The following RGL1 variants were observed in gnomAD, a reference collection of about 807,000 sequenced individuals.
RGL1 encodes ral guanine nucleotide dissociation stimulator-like 1.
In RGL1, 24 loss-of-function variants were observed where a neutral mutation model predicts 95.2. The observed-to-expected ratio is 0.25, with a 90% CI of 0.18 to 0.35. The LOEUF is 0.35. RGL1 is among the 10% of genes least tolerant of loss of function. RGL1 has a pLI of 1.00. For missense variants in RGL1, 715 were observed against 936.3 expected (o/e 0.76, Z 3.08); for synonymous variants, 329 against 344.9 (o/e 0.95, Z 0.51).
chr1:183,716,601 C>T (rs556259765), intron 1 of RGL1, among the ~76,000 whole-genome samples: 1 of 152,358 alleles, frequency 6.6e-6, no homozygotes, highest in Admixed American at 6.5e-5. Flanking sequence ...AACTCAGTCA[C>T]ATGGCTGCAC....
chr1:183,695,367 A>G (rs1417161853), intron 1 of RGL1, among the ~76,000 whole-genome samples: 3 of 152,236 alleles, frequency 2.0e-5, no homozygotes, highest in African/African-American at 7.2e-5. Context: ...GTCACTTACT[A>G]TCACTAATGA....
At chr1:183,698,454 A>G (rs1020702497) in intron 1 of RGL1, among the ~76,000 whole-genome samples, 1 of 152,258 alleles carries the variant, frequency 6.6e-6, no homozygotes, top group Non-Finnish European at 1.5e-5. Flanking sequence ...CAATGCCTAA[A>G]ATAGAACAAC....
At chr1:183,759,319 T>C (rs1240612206) in intron 2 of RGL1, among the ~76,000 whole-genome samples, 1 of 152,172 alleles carries the variant, frequency 6.6e-6, no homozygotes, top group Non-Finnish European at 1.5e-5. Context: ...ATTGGTTAGT[T>C]TGAACACTTT....
intron 2 of RGL1, among the ~76,000 whole-genome samples, chr1:183,840,631 G>C (rs1663988567): frequency 1.3e-5 from 2 of 151,994 alleles, no homozygotes; most frequent in Non-Finnish European, 2.9e-5. Context: ...GAGAGGCCAA[G>C]GTGGGAGAAT....
chr1:183,889,323 A>G (rs1215917809), intron 8 of RGL1, among the ~76,000 whole-genome samples: 1 of 152,210 alleles, frequency 6.6e-6, no homozygotes, highest in Non-Finnish European at 1.5e-5. Context: ...TAGGCCAGCT[A>G]CATTCAACAA....
chr1:183,756,699 G>C (rs1358858364), intron 2 of RGL1, among the ~76,000 whole-genome samples: 2 of 152,106 alleles, frequency 1.3e-5, no homozygotes, highest in African/African-American at 4.8e-5. Flanking sequence ...TTTCATGATA[G>C]TAATTCTTCC....
chr1:183,780,633 A>G (rs1342052900), intron 2 of RGL1, among the ~76,000 whole-genome samples: 1 of 152,210 alleles, frequency 6.6e-6, no homozygotes, highest in Non-Finnish European at 1.5e-5. Context: ...GGATTTGTAT[A>G]CAGGCTTGAG....
chr1:183,902,455 G>A, intron 11 of RGL1, 113 bp from the exon 12 acceptor site: 1 of 743,426 alleles, frequency 1.3e-6, no homozygotes, highest in South Asian at 2.7e-5. Flanking sequence ...TAGGATCATT[G>A]ATAATTGTGA....
intron 3 of RGL1, among the ~76,000 whole-genome samples, chr1:183,864,164 G>GA (rs896849554): frequency 1.3e-5 from 2 of 151,926 alleles, no homozygotes; most frequent in Non-Finnish European, 2.9e-5. Context: ...AAACCACTTT[G>GA]AAAAAAAGAC....
intron 11 of RGL1, 58 bp from the exon 12 acceptor site, chr1:183,902,510 T>TA: frequency 6.8e-7 from 1 of 1,466,162 alleles, no homozygotes; most frequent in Non-Finnish European, 9.4e-7. Flanking sequence ...TACGACAACA[T>TA]ATGGCTGTGT....
chr1:183,779,182 TC>T (rs1659759197), intron 2 of RGL1, among the ~76,000 whole-genome samples: 1 of 138,806 alleles, frequency 7.2e-6, no homozygotes, highest in African/African-American at 2.8e-5. Context: ...CTTCCTTCCT[TC>T]CTTCCTTCCT....
At chr1:183,744,930 C>G (rs1356068211) in intron 2 of RGL1, among the ~76,000 whole-genome samples, 1 of 152,074 alleles carries the variant, frequency 6.6e-6, no homozygotes, top group Non-Finnish European at 1.5e-5. Context: ...AGTATGAATA[C>G]CTTTAGTTTT....
intron 1 of RGL1, among the ~76,000 whole-genome samples, chr1:183,701,043 A>G (rs150323912): frequency 1.9e-3 from 284 of 152,294 alleles, no homozygotes; most frequent in African/African-American, 6.6e-3. Context: ...GCTGAGAATG[A>G]TGGCTTCCAG....
intron 5 of RGL1, among the ~76,000 whole-genome samples, chr1:183,882,282 C>T (rs1666867624): frequency 6.6e-6 from 1 of 152,186 alleles, no homozygotes; most frequent in South Asian, 2.1e-4. Flanking sequence ...CATTGGGCTG[C>T]TGTGTTTGCT....
rs533538230 is a variant in RGL1, at chr1:183,641,686, AC to A, written c.-33+5187del. ...ACTTTGTAAATGAATTTAGATTTCC[AC>A]CTTTTTTTCTATGCTCTGCAATAGT... is the stretch of plus-strand genomic sequence containing the variant. On this transcript the variant is annotated intron_variant, in intron 1 of 18. Coordinates refer to the RGL1 transcript ENST00000304685. Among the ~76,000 whole-genome samples the A allele has an allele frequency of 1.8e-4, 28 of 152,176 alleles. No homozygotes were observed. In the South Asian group the frequency reaches 5.8e-3, roughly 31 times the overall value.
chr1:183,775,061 T>C (rs1289054794), intron 2 of RGL1, among the ~76,000 whole-genome samples: 1 of 152,174 alleles, frequency 6.6e-6, no homozygotes, highest in Admixed American at 6.5e-5. Context: ...CCTTGCTATA[T>C]AAACCCCTAA....
chr1:183,770,544 C>CG (rs746008713), intron 2 of RGL1, among the ~76,000 whole-genome samples: 2 of 152,160 alleles, frequency 1.3e-5, no homozygotes, highest in African/African-American at 2.4e-5. Flanking sequence ...TTGGGTGCTT[C>CG]GCTTGAGGGG....
intron 2 of RGL1, among the ~76,000 whole-genome samples, chr1:183,765,341 A>C (rs1178999889): frequency 6.6e-6 from 1 of 152,240 alleles, no homozygotes; most frequent in Non-Finnish European, 1.5e-5. Flanking sequence ...ACCACATTGC[A>C]ATGAATTAAG....
intron 3 of RGL1, among the ~76,000 whole-genome samples, chr1:183,856,994 G>C (rs900541914): frequency 3.3e-5 from 5 of 152,210 alleles, no homozygotes; most frequent in Admixed American, 2.6e-4. Flanking sequence ...TGAAACCTGG[G>C]AATATGTTAG....
Sources: allele counts gnomAD v4.1 joint callset (sites outside exome capture counted in the v4.1 genomes callset), GRCh38; gene constraint gnomAD v4.1.1; transcripts MANE v1.5; gene names NCBI Gene and HGNC (gene_info 2026-07-23, HGNC 2026-07-21).